Variants in CCDC180 observed in about 807,000 individuals in gnomAD.
CCDC180 encodes coiled-coil domain-containing protein 180.
CCDC180 carries 154 observed loss-of-function variants against 209.2 expected under a neutral mutation model. That is an observed-to-expected ratio of 0.74 (90% CI 0.65 to 0.84). The LOEUF is 0.84. CCDC180 is among the 40% of genes least tolerant of loss of function. The pLI is 0.00. For synonymous variants in CCDC180, 778 were observed against 749.1 expected (o/e 1.04, Z -0.63); for missense variants, 1,874 against 1,997.3 (o/e 0.94, Z 1.18).
At chr9:97,315,027 C>G in intron 8 of CCDC180, 81 bp downstream of exon 8, 1 of 1,044,154 alleles carries the variant, frequency 9.6e-7, no homozygotes, top group East Asian at 2.5e-5. Flanking sequence ...AGCCTGGTGT[C>G]TGGTGTCTCA....
Position 97,354,886 on chromosome 9 carries a change from G to T in CCDC180, c.3148-6G>T, listed in dbSNP as rs757414033. Reference sequence around the variant, plus strand: ...CCTGTCCTTTACCCTTTATCTCTCTGTACAGGCCAATGATGTCATCAACAA... The same window carrying T: ...CCTGTCCTTTACCCTTTATCTCTCTTTACAGGCCAATGATGTCATCAACAA... On this transcript the variant is annotated splice_region_variant and splice_polypyrimidine_tract_variant and intron_variant, in intron 23 of 36. Coordinates refer to ENST00000529487, the MANE Select transcript of CCDC180 (RefSeq NM_020893.6). The T allele has an allele frequency of 1.2e-6, 2 of 1,605,108 alleles. No homozygotes were observed. Among genetic ancestry groups the T allele is most frequent in the Non-Finnish European group, 1.7e-6 (2 of 1,171,892 alleles).
intron 28 of CCDC180, among the ~76,000 whole-genome samples, chr9:97,362,806 T>A (rs1587830733): frequency 6.6e-6 from 1 of 152,174 alleles, no homozygotes; most frequent in African/African-American, 2.4e-5. Flanking sequence ...TTATGGAAGG[T>A]GCATATCAGA....
intron 18 of CCDC180, among the ~76,000 whole-genome samples, chr9:97,342,048 G>A (rs1469951649): frequency 6.6e-6 from 1 of 152,220 alleles, no homozygotes; most frequent in East Asian, 1.9e-4. Flanking sequence ...GTGTTTAGGT[G>A]GCAGTGTTCT....
chr9:97,371,636 G>C lies in CCDC180; in HGVS notation c.4530G>C (p.Leu1510Phe), dbSNP rs1184058282. 2.5e-6 allele frequency: 4 copies of C among 1,607,550 alleles called. No individual in the cohort carries two copies. Among genetic ancestry groups the C allele is most frequent in the Non-Finnish European group, 8.5e-7 (1 of 1,174,908 alleles). ...ATGGCCAGGTTTTCATAACCAACTTGGCCACCTTCACCGAGAAGTTCCTAC... is the reference window on the plus strand; with the variant it reads ...ATGGCCAGGTTTTCATAACCAACTTCGCCACCTTCACCGAGAAGTTCCTAC... ...RRNGQVFITN[L>F]ATFTEKFLLQ... Residue 1510 changes from leucine to phenylalanine, a missense_variant, in exon 34 of 37, where the codon TTG (leucine) becomes TTC (phenylalanine). Physicochemically the swap from Leu to Phe is conservative, Grantham distance 22. Coordinates refer to ENST00000529487, the MANE Select transcript of CCDC180 (RefSeq NM_020893.6).
In CCDC180 at chr9:97,366,667, C is replaced by G; in HGVS notation, c.4156C>G (p.Gln1386Glu). 1 of 1,614,168 alleles carries G rather than the reference C, an allele frequency of 6.2e-7. No homozygotes were observed. Among genetic ancestry groups the G allele is most frequent in the Non-Finnish European group, 8.5e-7 (1 of 1,180,036 alleles). Reference sequence around the variant, plus strand: ...CAAAAAGATCCTGGAGTATCAGAGCCAGGCAAATAAGTACCACAACTCCTG... The same window carrying G: ...CAAAAAGATCCTGGAGTATCAGAGCGAGGCAAATAAGTACCACAACTCCTG... ...ISKKILEYQS[Q>E]ANKYHNSCLI... is the part of the protein sequence containing the mutation. Residue 1386 changes from glutamine to glutamate, a missense_variant, in exon 31 of 37, where the codon CAG (glutamine) becomes GAG (glutamate). Physicochemically the swap from Gln to Glu is conservative, Grantham distance 29 (BLOSUM62 2). Coordinates refer to ENST00000529487, the MANE Select transcript of CCDC180 (RefSeq NM_020893.6). The surrounding 1 kb of genome is among the most constrained non-coding windows in gnomAD (Gnocchi z 4.3).
Position 97,321,924 on chromosome 9 carries a change from G to C in CCDC180, c.1160-909G>C, listed in dbSNP as rs1403239330. 3.9e-5 allele frequency among the ~76,000 whole-genome samples: 6 copies of C among 152,320 alleles called. No individual in the cohort carries two copies. In the South Asian group the frequency reaches 8.3e-4, roughly 21 times the overall value. On this transcript the variant is annotated intron_variant, in intron 11 of 36. Coordinates refer to ENST00000529487, the MANE Select transcript of CCDC180 (RefSeq NM_020893.6). ...GCTGGGGCCTTTGGAAACAGGGAGG[G>C]GAGGCTGGAAGATGCAAAGCAGCTG...
At chr9:97,363,435 C>T (rs577280584) in intron 28 of CCDC180, 3 of 304,644 alleles carry the variant, frequency 9.8e-6, no homozygotes, top group South Asian at 3.5e-5. Flanking sequence ...GGTTGCTGCA[C>T]ATCATGGGGC....
Position 97,337,391 on chromosome 9 carries a change from G to A in CCDC180, c.2275-5949G>A, listed in dbSNP as rs180747150. Among the ~76,000 whole-genome samples, 90 of 151,364 alleles carry A rather than the reference G, an allele frequency of 5.9e-4. 1 individual carries two copies. The highest frequency in any genetic ancestry group is 3.9e-3 in the East Asian group (20 of 5,132). On this transcript the variant is annotated intron_variant, in intron 18 of 36. Transcript: ENST00000529487. ...AGCATGAAGGCTGTTGAATTTTGTC[G>A]AAGGCCTTTTCTGCATCTATTGAGA...
chr9:97,318,218 T>G (rs1028716316), intron 9 of CCDC180, among the ~76,000 whole-genome samples: 2 of 152,202 alleles, frequency 1.3e-5, no homozygotes, highest in African/African-American at 4.8e-5. Flanking sequence ...CAGAGCTCCA[T>G]TGACCTGACG....
chr9:97,309,919 G>A (rs1487829676), intron 3 of CCDC180, among the ~76,000 whole-genome samples: 1 of 152,212 alleles, frequency 6.6e-6, no homozygotes, highest in African/African-American at 2.4e-5. Context: ...CTGATTAAGG[G>A]GATGGGGCTA....
At chr9:97,354,455 C>G in intron 22 of CCDC180, 114 bp from the exon 23 acceptor site, 4 of 1,046,332 alleles carry the variant, frequency 3.8e-6, no homozygotes, top group Non-Finnish European at 5.7e-6. Context: ...TTTCCCACAT[C>G]TTGAACTCTA....
chr9:97,353,478 A>G (rs576889027), intron 22 of CCDC180, among the ~76,000 whole-genome samples: 1 of 152,078 alleles, frequency 6.6e-6, no homozygotes, highest in African/African-American at 2.4e-5. Context: ...ACTGTTTCTC[A>G]TGCATGGTAT....
intron 29 of CCDC180, chr9:97,364,498 A>C: frequency 4.8e-6 from 1 of 206,736 alleles, no homozygotes; most frequent in Non-Finnish European, 9.6e-6. Flanking sequence ...GTATAGCTTC[A>C]TTGCAAGCAA....
At chr9:97,362,575 C>A in intron 28 of CCDC180, 134 bp downstream of exon 28, 2 of 1,310,958 alleles carry the variant, frequency 1.5e-6, no homozygotes, top group Non-Finnish European at 2.1e-6. Context: ...CTCCACGGGG[C>A]GCAGTGAGGG....
chr9:97,353,995 C>CTTTT (rs33935021), intron 22 of CCDC180, among the ~76,000 whole-genome samples: 2 of 120,158 alleles, frequency 1.7e-5, no homozygotes, highest in Non-Finnish European at 3.4e-5. Context: ...ATCTGGAATT[C>CTTTT]TTTTTTTTTT....
At chr9:97,313,103 GC>G in intron 4 of CCDC180, 132 bp from the exon 5 acceptor site, 1 of 604,796 alleles carries the variant, frequency 1.7e-6, no homozygotes, top group East Asian at 3.0e-5. Flanking sequence ...TTTTCCTTAA[GC>G]CTCTGCCACC....
chr9:97,340,062 A>G (rs548406528), intron 18 of CCDC180, among the ~76,000 whole-genome samples: 1 of 152,284 alleles, frequency 6.6e-6, no homozygotes, highest in African/African-American at 2.4e-5. Flanking sequence ...CATTCGTCTA[A>G]TCTTTTTTCA....
At chr9:97,320,228 C>T (rs755683355) in intron 11 of CCDC180, 23 bp downstream of exon 11, 9 of 1,588,080 alleles carry the variant, frequency 5.7e-6, no homozygotes, top group Non-Finnish European at 7.8e-6. Flanking sequence ...TGCAGGACTC[C>T]ACCTGCATTT....
At chr9:97,372,682 A>G (rs1306729124) in intron 34 of CCDC180, 1 of 152,148 alleles carries the variant, frequency 6.6e-6, no homozygotes, top group African/African-American at 2.4e-5. Flanking sequence ...CAACATGACA[A>G]AACCTCATCT....
Sources: gnomAD v4.1 joint callset for allele counts (sites outside exome capture counted in the v4.1 genomes callset) on GRCh38, gnomAD v4.1.1 for gene constraint, Gnocchi (gnomAD v3.1) non-coding constraint, MANE v1.5 for transcripts, NCBI Gene and HGNC (gene_info 2026-07-23, HGNC 2026-07-21) for gene names.